Variants in TMEM132C observed in about 807,000 individuals in gnomAD.
TMEM132C encodes the protein transmembrane protein 132C.
TMEM132C carries 29 observed loss-of-function variants against 61.4 expected under a neutral mutation model. The observed-to-expected ratio is 0.47, with a 90% CI of 0.35 to 0.64. The LOEUF (loss-of-function observed/expected upper bound fraction) is 0.64, where lower values mean the gene tolerates loss of function less well. Ranked by LOEUF, TMEM132C falls within the 30% of genes least tolerant of loss-of-function variation. The probability of loss-of-function intolerance (pLI) is 0.00; values close to 1 mark genes in which losing one functional copy is unlikely to be tolerated. For missense variants in TMEM132C, 1,408 were observed against 1,476.9 expected, an observed-to-expected ratio of 0.95 and a Z score of 0.76; for synonymous variants, 656 against 633.1, an observed-to-expected ratio of 1.04 and a Z score of -0.54.
At chr12:128,432,483 C>T (rs1243761045) in intron 2 of TMEM132C, among the ~76,000 whole-genome samples, 1 of 152,108 alleles carries the variant, frequency 6.6e-6, no homozygotes, top group Non-Finnish European at 1.5e-5. Flanking sequence ...AGACGTTTGT[C>T]CCAGCATCTT....
At chr12:128,527,813 G>A (rs1037448231) in intron 2 of TMEM132C, among the ~76,000 whole-genome samples, 5 of 151,870 alleles carry the variant, frequency 3.3e-5, no homozygotes, top group African/African-American at 9.7e-5. Flanking sequence ...CACTTGCCTA[G>A]GTTTCTTCTA....
At chr12:128,593,319 C>CCCTCTCT (rs935552869) in intron 3 of TMEM132C, among the ~76,000 whole-genome samples, 1 of 151,264 alleles carries the variant, frequency 6.6e-6, no homozygotes, top group African/African-American at 2.5e-5. Context: ...CCTCCCTCTT[C>CCCTCTCT]CCTCTCTCCT....
intron 1 of TMEM132C, among the ~76,000 whole-genome samples, chr12:128,287,433 T>G (rs1592997893): frequency 6.6e-6 from 1 of 152,332 alleles, no homozygotes; most frequent in East Asian, 1.9e-4. Flanking sequence ...TTATCAGTAT[T>G]TTTCTTAATA....
At chr12:128,366,898 G>T (rs1296619761) in intron 1 of TMEM132C, among the ~76,000 whole-genome samples, 1 of 152,212 alleles carries the variant, frequency 6.6e-6, no homozygotes, top group Non-Finnish European at 1.5e-5. Context: ...CCAAAAATAA[G>T]CAAGTGCTTA....
chr12:128,667,984 A>G (rs932507983), intron 4 of TMEM132C, among the ~76,000 whole-genome samples: 1 of 152,218 alleles, frequency 6.6e-6, no homozygotes, highest in Admixed American at 6.5e-5. Context: ...TTTTTAAAAA[A>G]TGAAGGTGCC....
At chr12:128,456,762 C>G (rs1870358646) in intron 2 of TMEM132C, among the ~76,000 whole-genome samples, 1 of 152,118 alleles carries the variant, frequency 6.6e-6, no homozygotes, top group Non-Finnish European at 1.5e-5. Flanking sequence ...TCTAAGAAGA[C>G]ATAGAACAAT....
chr12:128,698,613 C>T (rs1954782284), intron 8 of TMEM132C, among the ~76,000 whole-genome samples: 1 of 152,186 alleles, frequency 6.6e-6, no homozygotes, highest in Non-Finnish European at 1.5e-5. Context: ...ACATGCCAGC[C>T]AGTGTTAGCT....
intron 8 of TMEM132C, among the ~76,000 whole-genome samples, chr12:128,699,022 G>T (rs374865648): frequency 6.6e-6 from 1 of 152,146 alleles, no homozygotes; most frequent in Non-Finnish European, 1.5e-5. Flanking sequence ...GTTCTTCTAG[G>T]GGGGATTGGA....
At position 128,415,156 on chromosome 12, in the gene TMEM132C, G is replaced by A. The variant is rs551382625; in HGVS notation, c.510G>A (p.Leu170=). Residue 170 remains leucine (L), a synonymous_variant, in exon 2 of 9, where the codon CTG becomes CTA. Coordinates refer to ENST00000435159, the MANE Select transcript of TMEM132C (RefSeq NM_001136103.3). This position sits in a 1 kb window ranked among gnomAD's most constrained non-coding sequence, Gnocchi z 5.8. ...DHGAGEKLPC[L]RVFAFRETRE... ...GCGCCGGGGAGAAGCTGCCATGCCT[G>A]AGGGTCTTTGCTTTCCGAGAAACCA... 48 of 1,610,962 alleles carry A rather than the reference G, an allele frequency of 3.0e-5. No homozygotes were observed. In the South Asian group the frequency reaches 5.1e-4, roughly 17 times the overall value.
intron 5 of TMEM132C, among the ~76,000 whole-genome samples, chr12:128,685,514 T>C (rs1954666469): frequency 6.6e-6 from 1 of 152,158 alleles, no homozygotes. Flanking sequence ...ATAGCTACTT[T>C]GGAGGAAGTA....
chr12:128,524,223 G>A (rs183854087), intron 2 of TMEM132C, among the ~76,000 whole-genome samples: 1 of 152,082 alleles, frequency 6.6e-6, no homozygotes, highest in African/African-American at 2.4e-5. Flanking sequence ...TGATCTATGG[G>A]GTACCCTTTG....
At chr12:128,523,716 T>G (rs1258133859) in intron 2 of TMEM132C, among the ~76,000 whole-genome samples, 1 of 151,008 alleles carries the variant, frequency 6.6e-6, no homozygotes, top group Non-Finnish European at 1.5e-5. Context: ...AACCTCTGAT[T>G]GAGCCTGGCA....
chr12:128,612,631 T>C lies in TMEM132C; in HGVS notation c.1122-3521T>C, dbSNP rs191854111. Among the ~76,000 whole-genome samples, 629 of 152,266 alleles carry C rather than the reference T, an allele frequency of 4.1e-3. 4 individuals are homozygous for C. The highest frequency in any genetic ancestry group is 0.014 in the African/African-American group (595 of 41,540). ...CTTAATCACCACCTCAGGGTTTGGA[T>C]TGGGATTTGGAATAAGGTCTGCGTG... is the stretch of plus-strand genomic sequence containing the variant. On this transcript the variant is annotated intron_variant, in intron 3 of 8. Transcript: ENST00000435159.
rs901155053 is a variant in TMEM132C, at chr12:128,278,750, A to ATATGTG, written c.85+11264_85+11265insATGTGT. Among the ~76,000 whole-genome samples the ATATGTG allele has an allele frequency of 5.5e-4, 75 of 137,062 alleles. No homozygotes were observed. The highest frequency in any genetic ancestry group is 1.8e-3 in the African/African-American group (69 of 37,562). The allele number at this position is 137,062 out of a possible 152,430, so 89.9% of individuals were successfully genotyped here. ...TGTGCAGACTTGATTCTATACGTGTATGTGTGTGTGTGTGTGTGTGTGTGT... is the reference window on the plus strand; with the variant it reads ...TGTGCAGACTTGATTCTATACGTGTATATGTGTGTGTGTGTGTGTGTGTGTGTGTGT... On this transcript the variant is annotated intron_variant, in intron 1 of 8. Transcript: ENST00000435159. This position sits in a 1 kb window ranked among gnomAD's most constrained non-coding sequence, Gnocchi z 4.2.
At chr12:128,309,289 A>G (rs1054259412) in intron 1 of TMEM132C, among the ~76,000 whole-genome samples, 9 of 152,206 alleles carry the variant, frequency 5.9e-5, no homozygotes, top group Non-Finnish European at 1.3e-4. Context: ...CAAATCAGCT[A>G]TTCTTACGGA....
At chr12:128,381,586 G>A (rs1874398509) in intron 1 of TMEM132C, among the ~76,000 whole-genome samples, 1 of 152,154 alleles carries the variant, frequency 6.6e-6, no homozygotes, top group African/African-American at 2.4e-5. Flanking sequence ...AGCCTGCTCA[G>A]TCCTTCCTAG....
At chr12:128,324,134 A>G (rs1872429161) in intron 1 of TMEM132C, among the ~76,000 whole-genome samples, 1 of 152,202 alleles carries the variant, frequency 6.6e-6, no homozygotes, top group African/African-American at 2.4e-5. Flanking sequence ...TTCAGTGTCC[A>G]CAGAGTCACG....
At chr12:128,593,059 CTTTCT>C (rs1875812191) in intron 3 of TMEM132C, among the ~76,000 whole-genome samples, 1 of 106,684 alleles carries the variant, frequency 9.4e-6, no homozygotes, top group South Asian at 5.0e-4. Flanking sequence ...TCTGTCTTCT[CTTTCT>C]TTCCTTTCTC....
At chr12:128,412,947 A>T (rs368455611) in intron 1 of TMEM132C, among the ~76,000 whole-genome samples, 5 of 152,238 alleles carry the variant, frequency 3.3e-5, no homozygotes, top group African/African-American at 1.2e-4. Context: ...ACTGTAGTTC[A>T]TTCAGCCATT....
Sources: gnomAD v4.1 joint callset for allele counts (sites outside exome capture counted in the v4.1 genomes callset) on GRCh38, gnomAD v4.1.1 for gene constraint, Gnocchi (gnomAD v3.1) non-coding constraint, MANE v1.5 for transcripts, NCBI Gene and HGNC (gene_info 2026-07-23, HGNC 2026-07-21) for gene names.